The following RTF1 variants were observed in gnomAD, a reference collection of about 807,000 sequenced individuals.
The protein encoded by RTF1 is RTF1 homolog, Paf1/RNA polymerase II complex component.
In RTF1, 10 loss-of-function variants were observed where a neutral mutation model predicts 95.7. The ratio of observed to expected loss-of-function variants is 0.10; its 90% CI spans 0.06 to 0.18. RTF1 has a LOEUF of 0.18. RTF1 is among the 10% of genes least tolerant of loss of function. RTF1 has a pLI of 1.00. For synonymous variants in RTF1, 305 were observed against 311.8 expected, an observed-to-expected ratio of 0.98 and a Z score of 0.23; for missense variants, 458 against 875.6, an observed-to-expected ratio of 0.52 and a Z score of 6.02.
chr15:41,471,992 G>C (rs866515503), intron 8 of RTF1, among the ~76,000 whole-genome samples: 2 of 151,788 alleles, frequency 1.3e-5, no homozygotes, highest in Non-Finnish European at 2.9e-5. Flanking sequence ...TCCGCCTCCC[G>C]GGTTCAAGTG....
At chr15:41,423,746 TTTTA>T (rs764563551) in intron 1 of RTF1, among the ~76,000 whole-genome samples, 6 of 151,872 alleles carry the variant, frequency 4.0e-5, no homozygotes, top group African/African-American at 1.5e-4. Context: ...GTGTATTTAT[TTTTA>T]TTTATTTATT....
intron 1 of RTF1, among the ~76,000 whole-genome samples, chr15:41,429,172 A>G (rs138451970): frequency 6.6e-6 from 1 of 152,150 alleles, no homozygotes; most frequent in East Asian, 1.9e-4. Flanking sequence ...GGCCACCTGT[A>G]AGCCACCTGT....
chr15:41,464,972 G>GTGTGT, intron 5 of RTF1, 87 bp downstream of exon 5: 1 of 1,380,570 alleles, frequency 7.2e-7, no homozygotes, highest in African/African-American at 1.5e-5. Context: ...GTGTGTAAAA[G>GTGTGT]GTGGATTTAT....
intron 6 of RTF1, among the ~76,000 whole-genome samples, chr15:41,468,866 A>G (rs2050895238): frequency 6.6e-6 from 1 of 152,094 alleles, no homozygotes; most frequent in Admixed American, 6.6e-5. Context: ...AAGATGACTG[A>G]TGGGTTTTAT....
intron 2 of RTF1, among the ~76,000 whole-genome samples, chr15:41,447,080 G>A (rs2050767457): frequency 6.6e-6 from 1 of 152,106 alleles, no homozygotes; most frequent in Non-Finnish European, 1.5e-5. Context: ...TGGGATTACA[G>A]GCATGAGCCA....
intron 8 of RTF1, among the ~76,000 whole-genome samples, chr15:41,472,705 C>CT (rs767696780): frequency 1.1e-3 from 142 of 127,146 alleles, no homozygotes; most frequent in Admixed American, 1.4e-3. Flanking sequence ...GACTGAGTCT[C>CT]TTTTTTTTTT....
intron 6 of RTF1, among the ~76,000 whole-genome samples, chr15:41,468,587 G>A (rs2140965995): frequency 6.6e-6 from 1 of 152,232 alleles, no homozygotes; most frequent in East Asian, 1.9e-4. Context: ...AAAGTGCTGG[G>A]ATTACAGGTG....
At chr15:41,450,698 C>G (rs1490514111) in intron 2 of RTF1, among the ~76,000 whole-genome samples, 2 of 151,996 alleles carry the variant, frequency 1.3e-5, no homozygotes, top group Non-Finnish European at 2.9e-5. Flanking sequence ...GCCTGTAATC[C>G]CAGCACTTTG....
chr15:41,474,595 C>T, intron 8 of RTF1, 25 bp from the exon 9 acceptor site: 2 of 1,565,852 alleles, frequency 1.3e-6, no homozygotes, highest in African/African-American at 1.3e-5. Flanking sequence ...CTGGTTTTGA[C>T]TGGCGTCTCT....
At chr15:41,424,777 G>A (rs1014106352) in intron 1 of RTF1, among the ~76,000 whole-genome samples, 1 of 152,162 alleles carries the variant, frequency 6.6e-6, no homozygotes, top group African/African-American at 2.4e-5. Flanking sequence ...TTGGGAGGCC[G>A]AGGTGGGTGG....
At chr15:41,469,082 C>T (rs1200875002) in intron 6 of RTF1, among the ~76,000 whole-genome samples, 1 of 152,010 alleles carries the variant, frequency 6.6e-6, no homozygotes, top group African/African-American at 2.4e-5. Context: ...GATTCTCCCA[C>T]CTCAGCCTCT....
chr15:41,456,747 G>C (rs1210975791), intron 3 of RTF1, among the ~76,000 whole-genome samples: 1 of 151,774 alleles, frequency 6.6e-6, no homozygotes, highest in African/African-American at 2.4e-5. Context: ...CCGAGATCGC[G>C]CTGCTGCACT....
At chr15:41,424,740 G>A (rs2050619933) in intron 1 of RTF1, among the ~76,000 whole-genome samples, 1 of 152,220 alleles carries the variant, frequency 6.6e-6, no homozygotes, top group Admixed American at 6.5e-5. Context: ...GCCAGGCGCA[G>A]TGGCTCACGC....
chr15:41,441,184 G>T (rs900705151), intron 2 of RTF1, among the ~76,000 whole-genome samples: 1 of 151,726 alleles, frequency 6.6e-6, no homozygotes, highest in African/African-American at 2.4e-5. Flanking sequence ...TGTTAGCCAG[G>T]ATGGTCTCTA....
At position 41,430,602 on chromosome 15, in the gene RTF1, G is replaced by A. The variant is rs541082883; in HGVS notation, c.199-7719G>A. On this transcript the variant is annotated intron_variant, in intron 1 of 17. Coordinates refer to ENST00000389629, the MANE Select transcript of RTF1 (RefSeq NM_015138.5). The stretch of plus-strand genomic sequence containing the variant: ...TAATAATACAAAATATTAGCTGGGC[G>A]TGGTGGTGCATGCCTGTAGTCCCAG... Among the ~76,000 whole-genome samples the A allele has an allele frequency of 2.6e-3, 387 of 151,672 alleles. 2 individuals are homozygous for A. Among genetic ancestry groups the A allele is most frequent in the South Asian group, 6.5e-3 (31 of 4,780 alleles).
intron 2 of RTF1, among the ~76,000 whole-genome samples, chr15:41,444,042 T>G (rs1327422332): frequency 6.7e-6 from 1 of 149,834 alleles, no homozygotes; most frequent in Non-Finnish European, 1.5e-5. Context: ...CACTCCAGCC[T>G]GGGCGACAGA....
At chr15:41,418,863 A>AT (rs898471572) in intron 1 of RTF1, among the ~76,000 whole-genome samples, 62 of 149,848 alleles carry the variant, frequency 4.1e-4, no homozygotes, top group African/African-American at 5.6e-4. Context: ...TTATTTATTT[A>AT]TTTTTTTTTG....
At chr15:41,430,440 A>G (rs1476125376) in intron 1 of RTF1, among the ~76,000 whole-genome samples, 1 of 151,920 alleles carries the variant, frequency 6.6e-6, no homozygotes, top group African/African-American at 2.4e-5. Context: ...TGAGCCCTCA[A>G]TAAGAATGTA....
chr15:41,463,568 A>G (rs1566846054), intron 4 of RTF1, among the ~76,000 whole-genome samples: 1 of 151,314 alleles, frequency 6.6e-6, no homozygotes, highest in African/African-American at 2.4e-5. Context: ...TGCAGCCTCA[A>G]TCTCCTGGGC....
Sources: gnomAD v4.1 joint callset for allele counts (sites outside exome capture counted in the v4.1 genomes callset) on GRCh38, gnomAD v4.1.1 for gene constraint, MANE v1.5 for transcripts, NCBI Gene and HGNC (gene_info 2026-07-23, HGNC 2026-07-21) for gene names.